Variants in OPN5 observed in about 807,000 individuals in gnomAD.
OPN5 encodes the protein opsin-5.
Under a neutral mutation model 41.7 loss-of-function variants are expected in OPN5, and 18 were observed. The ratio of observed to expected loss-of-function variants is 0.43; its 90% confidence interval spans 0.30 to 0.64. The LOEUF is 0.64. Among genes scored for constraint, OPN5 ranks in the 30% least tolerant of loss-of-function variants. The pLI is 0.13. For synonymous variants in OPN5, 178 were observed against 164.3 expected, an observed-to-expected ratio of 1.08 and a Z score of -0.64; for missense variants, 318 against 434.5, an observed-to-expected ratio of 0.73 and a Z score of 2.38.
chr6:47,804,062 T>A (rs9369746), intron 4 of OPN5, among the ~76,000 whole-genome samples: 73,795 of 152,088 alleles, frequency 0.49, 19,879 homozygotes, highest in East Asian at 0.88. Flanking sequence ...TAATTGGAAT[T>A]GAGCAATTAT....
chr6:47,788,531 A>C (rs921203107), intron 2 of OPN5, among the ~76,000 whole-genome samples: 4 of 152,192 alleles, frequency 2.6e-5, no homozygotes, highest in Non-Finnish European at 5.9e-5. Context: ...ACTTTCTTTC[A>C]TACAACAGGT....
In OPN5 at chr6:47,807,282, AG is replaced by A. The variant is rs1218448476; in HGVS notation, c.757-870del. ...TCTAGAGGGATACAACTCAGGCTCTAGGTTTTACTGGTATTCCCCACAGCCC... is the reference window on the plus strand; with the variant it reads ...TCTAGAGGGATACAACTCAGGCTCTAGTTTTACTGGTATTCCCCACAGCCC... On this transcript the variant is annotated intron_variant, in intron 4 of 6. Transcript: ENST00000371211. 2.0e-5 allele frequency among the ~76,000 whole-genome samples: 3 copies of A among 152,330 alleles called. No individual in the cohort carries two copies. The East Asian group carries it at 5.8e-4, about 29-fold the overall frequency.
intron 1 of OPN5, among the ~76,000 whole-genome samples, chr6:47,782,716 C>A (rs913068978): frequency 2.6e-5 from 4 of 152,138 alleles, no homozygotes; most frequent in African/African-American, 9.7e-5. Context: ...ATCAAAATAG[C>A]TAAGCCATTT....
intron 6 of OPN5, among the ~76,000 whole-genome samples, chr6:47,815,106 G>A (rs1401582950): frequency 1.3e-5 from 2 of 152,090 alleles, no homozygotes; most frequent in Non-Finnish European, 2.9e-5. Context: ...TGGATTTCAA[G>A]AATTATCATA....
At chr6:47,821,587 G>A (rs1762624771) in intron 6 of OPN5, among the ~76,000 whole-genome samples, 1 of 152,200 alleles carries the variant, frequency 6.6e-6, no homozygotes, top group South Asian at 2.1e-4. Flanking sequence ...GTTTCCAGTT[G>A]ACTGTGGGAA....
At chr6:47,786,127 G>A (rs955671637) in intron 1 of OPN5, among the ~76,000 whole-genome samples, 9 of 152,184 alleles carry the variant, frequency 5.9e-5, no homozygotes, top group African/African-American at 2.2e-4. Flanking sequence ...AATTTATCAA[G>A]AGCTAAGGGT....
At chr6:47,825,826 T>G (rs1762775919), downstream of OPN5, 3 of 152,166 alleles carry the variant, frequency 2.0e-5, no homozygotes, top group African/African-American at 7.2e-5. Context: ...GATGACCCAG[T>G]TGGGTTCTCC....
At chr6:47,787,198 C>T in intron 2 of OPN5, 2 of 976,444 alleles carry the variant, frequency 2.0e-6, no homozygotes, top group Non-Finnish European at 1.2e-6. Flanking sequence ...AAATGCAACT[C>T]ACAAAATATC....
chr6:47,825,500 G>A (rs1328139157), downstream of OPN5: 2 of 152,150 alleles, frequency 1.3e-5, no homozygotes, highest in East Asian at 1.9e-4. Context: ...TTCCCTGGCA[G>A]CTAGAAACCT....
exon 5 of OPN5, chr6:47,808,358 T>C (rs1774056873): frequency 1.2e-6 from 2 of 1,614,012 alleles, no homozygotes; most frequent in Non-Finnish European, 1.7e-6. Flanking sequence ...AACTGGTGGT[T>C]TGAAAGCAAC....
At chr6:47,799,942 G>A (rs564122028) in intron 4 of OPN5, among the ~76,000 whole-genome samples, 2 of 148,756 alleles carry the variant, frequency 1.3e-5, no homozygotes, top group African/African-American at 2.5e-5. Flanking sequence ...GATATTCAAA[G>A]TCACTTTTTT....
exon 7 of OPN5, chr6:47,824,345 C>A: frequency 3.1e-6 from 1 of 326,634 alleles, no homozygotes; most frequent in Non-Finnish European, 5.7e-6. Flanking sequence ...TCAAGGAGAT[C>A]AGGCTGTGTC....
At chr6:47,814,797 G>C (rs1021304373) in intron 6 of OPN5, among the ~76,000 whole-genome samples, 10 of 152,080 alleles carry the variant, frequency 6.6e-5, no homozygotes, top group African/African-American at 1.7e-4. Flanking sequence ...TGTCTGGGAG[G>C]GTTATGAGAA....
chr6:47,819,356 A>T lies in OPN5; in HGVS notation c.1057-4627A>T, dbSNP rs1375315319. On this transcript the variant is annotated intron_variant, in intron 6 of 6. Coordinates refer to ENST00000371211, the Ensembl canonical transcript of OPN5. ...TTAGGAATATATATATATATATAAA[A>T]AATATATTACCGTATAAGTAGAAAT... 7.9e-4 allele frequency among the ~76,000 whole-genome samples: 24 copies of T among 30,214 alleles called. 1 individual carries two copies. Among genetic ancestry groups the T allele is most frequent in the East Asian group, 7.5e-3 (2 of 268 alleles). 19.8% of individuals were successfully genotyped at this position (30,214 alleles called of 152,430 possible).
At chr6:47,795,122 C>A in intron 3 of OPN5, 107 bp from the exon 4 acceptor site, 1 of 927,632 alleles carries the variant, frequency 1.1e-6, no homozygotes, top group South Asian at 1.8e-5. Flanking sequence ...CCAGGTCTCC[C>A]AGAAATCAAT....
At chr6:47,804,298 A>G (rs1258487873) in intron 4 of OPN5, among the ~76,000 whole-genome samples, 1 of 152,188 alleles carries the variant, frequency 6.6e-6, no homozygotes, top group Non-Finnish European at 1.5e-5. Flanking sequence ...AGGCAGTGAT[A>G]AAAGTGAAGT....
chr6:47,798,916 T>A (rs142541837), intron 4 of OPN5, among the ~76,000 whole-genome samples: 37 of 152,244 alleles, frequency 2.4e-4, no homozygotes, highest in Admixed American at 4.6e-4. Flanking sequence ...TACTTCTGAT[T>A]TTCAGAACAG....
intron 3 of OPN5, chr6:47,794,758 A>G (rs1773489870): frequency 6.3e-6 from 1 of 158,576 alleles, no homozygotes; most frequent in Admixed American, 6.0e-5. Context: ...ACGAGCCACC[A>G]AGCCCCTTCC....
exon 7 of OPN5, chr6:47,824,049 C>G (rs1161508990): frequency 1.8e-5 from 25 of 1,387,442 alleles, no homozygotes; most frequent in Middle Eastern, 3.5e-4. Flanking sequence ...CTGGCATATG[C>G]AGAGAAATTA....
Sources: gnomAD v4.1 joint callset for allele counts (sites outside exome capture counted in the v4.1 genomes callset) on GRCh38, gnomAD v4.1.1 for gene constraint, MANE v1.5 for transcripts, NCBI Gene and HGNC (gene_info 2026-07-23, HGNC 2026-07-21) for gene names.